UACA: variants seen among roughly 807,000 people sequenced by gnomAD.
UACA encodes uveal autoantigen with coiled-coil domains and ankyrin repeats, also known as nuclear membrane binding protein.
A neutral mutation model predicts 160.5 loss-of-function variants in UACA; 112 were observed. The ratio of observed to expected loss-of-function variants is 0.70; its 90% CI spans 0.60 to 0.82. The LOEUF (loss-of-function observed/expected upper bound fraction) is 0.82, where lower values mean the gene tolerates loss of function less well. Among genes scored for constraint, UACA ranks in the 40% least tolerant of loss-of-function variants. The pLI is 0.00. For synonymous variants in UACA, 557 were observed against 568.4 expected (o/e 0.98, Z 0.29); for missense variants, 1,574 against 1,614.6 (o/e 0.97, Z 0.43).
chr15:70,673,991 A>T (rs1478121442), intron 13 of UACA, among the ~76,000 whole-genome samples: 2 of 152,138 alleles, frequency 1.3e-5, no homozygotes, highest in African/African-American at 4.8e-5. Context: ...CCACCCAAGT[A>T]GCTGGGATTA....
chr15:70,748,848 A>G (rs1424423353), intron 1 of UACA: 4 of 152,478 alleles, frequency 2.6e-5, no homozygotes, highest in Non-Finnish European at 5.9e-5. Flanking sequence ...TATTTCATGG[A>G]TGTGACAAAA....
At chr15:70,763,199 G>A (rs570491878) in intron 1 of UACA, 131 bp downstream of exon 1, 2 of 1,008,822 alleles carry the variant, frequency 2.0e-6, no homozygotes, top group Middle Eastern at 3.6e-4. Context: ...CCTCAGGGAG[G>A]AGTCGCCAGG....
chr15:70,738,999 T>C (rs1899450752), intron 1 of UACA, among the ~76,000 whole-genome samples: 1 of 152,184 alleles, frequency 6.6e-6, no homozygotes, highest in Admixed American at 6.5e-5. Context: ...AGGTTCAACA[T>C]CACTTCTAAC....
intron 1 of UACA, among the ~76,000 whole-genome samples, chr15:70,752,642 AT>A (rs552510589): frequency 1.1e-3 from 168 of 150,656 alleles, no homozygotes; most frequent in African/African-American, 3.3e-3. Context: ...AGTCAATGAG[AT>A]TTTTTTTTTA....
chr15:70,663,194 C>T (rs1383036976), intron 17 of UACA, among the ~76,000 whole-genome samples: 1 of 152,210 alleles, frequency 6.6e-6, no homozygotes, highest in African/African-American at 2.4e-5. Flanking sequence ...AACAAGTGGG[C>T]GAAGGATATG....
chr15:70,771,750 G>C, the UACA span, among the ~76,000 whole-genome samples: 2 of 152,202 alleles, frequency 1.3e-5, no homozygotes, highest in Non-Finnish European at 2.9e-5. Context: ...TTTGAACTAA[G>C]GTCTGAATTA....
intron 1 of UACA, among the ~76,000 whole-genome samples, chr15:70,744,454 A>G (rs1899638686): frequency 6.6e-6 from 1 of 152,116 alleles, no homozygotes; most frequent in African/African-American, 2.4e-5. Flanking sequence ...ATATTTGTTG[A>G]GTAAAGTTAT....
chr15:70,736,606 T>TA (rs1899375631), intron 1 of UACA, among the ~76,000 whole-genome samples: 1 of 151,942 alleles, frequency 6.6e-6, no homozygotes, highest in African/African-American at 2.4e-5. Flanking sequence ...GGCTATTTTT[T>TA]ATATATATAT....
At chr15:70,702,334 G>A (rs780275384) in intron 1 of UACA, 15 of 989,636 alleles carry the variant, frequency 1.5e-5, no homozygotes, top group Admixed American at 6.1e-5. Flanking sequence ...CGAATTGTCC[G>A]GTAAACAGCG....
intron 1 of UACA, among the ~76,000 whole-genome samples, chr15:70,759,612 G>T (rs1012764261): frequency 6.6e-6 from 1 of 152,166 alleles, no homozygotes; most frequent in Non-Finnish European, 1.5e-5. Flanking sequence ...CCGAGATCAC[G>T]TCATTGCACT....
rs1264845374 is a variant in UACA at position 70,679,610 on chromosome 15, G to T, written c.889C>A (p.Gln297Lys). 1.9e-6 allele frequency: 3 copies of T among 1,580,578 alleles called. No homozygotes were observed. The East Asian group carries it at 7.1e-5, about 38-fold the overall frequency. The change falls in exon 10 of 19, where the codon CAG (glutamine) becomes AAG (lysine). Residue 297 changes from glutamine (Q) to lysine (K), a missense_variant and splice_region_variant. Transcript: ENST00000322954. Reference sequence around the variant, plus strand: ...CACCATTATTTTTTTCTTTTTACCTGAATATTTTGATGCTCCCTCTGATGT... The same window carrying T: ...CACCATTATTTTTTTCTTTTTACCTTAATATTTTGATGCTCCCTCTGATGT... The part of the protein sequence containing the change: ...KSHQREHQNI[Q>K]DLEIENEDLK...
chr15:70,774,823 G>A, the UACA span, among the ~76,000 whole-genome samples: 1,891 of 152,188 alleles, frequency 0.012, 42 homozygotes, highest in African/African-American at 0.044. Context: ...GGAAGCCAAG[G>A]TGGGGGGATT....
intron 1 of UACA, among the ~76,000 whole-genome samples, chr15:70,741,515 G>A (rs1899534369): frequency 6.6e-6 from 1 of 152,138 alleles, no homozygotes; most frequent in African/African-American, 2.4e-5. Flanking sequence ...GGAAAAGAGG[G>A]GCATTCCAGG....
Position 70,687,605 on chromosome 15 carries a change from C to T in UACA, c.537G>A (p.Arg179=), listed in dbSNP as rs752798754. ...TPLVLATQMS[R]PTICQLLIDR... is the part of the protein sequence containing the mutation. ...CTATCAGCAGTTGACATATTGTTGG[C>T]CTACTCATCTGAGTAGCCAGAACAA... The change falls in exon 7 of 19, where the codon AGG becomes AGA. Residue 179 remains arginine, a synonymous_variant. Coordinates refer to ENST00000322954, the MANE Select transcript of UACA (RefSeq NM_018003.4). 1 of 1,613,882 alleles carries T rather than the reference C, an allele frequency of 6.2e-7. No homozygotes were observed. Among genetic ancestry groups the T allele is most frequent in the Admixed American group, 1.7e-5 (1 of 60,002 alleles).
At chr15:70,758,783 C>A (rs1029068864) in intron 1 of UACA, 8 of 152,154 alleles carry the variant, frequency 5.3e-5, no homozygotes, top group African/African-American at 1.9e-4. Flanking sequence ...TTATAAAATT[C>A]ACTGCCCCAT....
chr15:70,720,131 C>T (rs1211762928), intron 1 of UACA, among the ~76,000 whole-genome samples: 1 of 152,126 alleles, frequency 6.6e-6, no homozygotes, highest in Non-Finnish European at 1.5e-5. Flanking sequence ...TTCTCTTCCT[C>T]CTGCTCCAGC....
chr15:70,667,439 A>C lies in UACA; in HGVS notation c.3245T>G (p.Val1082Gly), dbSNP rs1256260967. ...LKDLSQKYTE[V>G]KNVKEKLVEE... ...TACTAGCTTCTCTTTCACATTCTTT[A>C]CTTCCGTGTATTTCTGTGACAAGTC... The change falls in exon 16 of 19, where the codon GTA becomes GGA. Residue 1082 changes from valine to glycine, a missense_variant. Val to Gly is a moderately radical substitution (Grantham distance 109). Coordinates refer to ENST00000322954, the MANE Select transcript of UACA (RefSeq NM_018003.4). The C allele has an allele frequency of 6.2e-7, 1 of 1,609,872 alleles. No individual in the cohort carries two copies. Among genetic ancestry groups the C allele is most frequent in the Non-Finnish European group, 8.5e-7 (1 of 1,179,638 alleles).
chr15:70,697,495 G>A (rs1489945901), intron 2 of UACA, among the ~76,000 whole-genome samples: 1 of 152,086 alleles, frequency 6.6e-6, no homozygotes, highest in African/African-American at 2.4e-5. Context: ...AGATCCTTGT[G>A]GTAACTATGG....
chr15:70,746,577 AT>A (rs1381350913), intron 1 of UACA, among the ~76,000 whole-genome samples: 1 of 152,222 alleles, frequency 6.6e-6, no homozygotes, highest in Non-Finnish European at 1.5e-5. Flanking sequence ...CAGTGTGGCA[AT>A]TCCTCAAGGA....
Sources: gnomAD v4.1 joint callset for allele counts (sites outside exome capture counted in the v4.1 genomes callset) on GRCh38, gnomAD v4.1.1 for gene constraint, MANE v1.5 for transcripts, NCBI Gene and HGNC (gene_info 2026-07-23, HGNC 2026-07-21) for gene names.